Variants in RASSF6 observed in about 807,000 individuals in gnomAD.
RASSF6 encodes Ras association domain family member 6, also known as ras association domain-containing protein 6.
RASSF6 carries 52 observed loss-of-function variants against 44.0 expected under a neutral mutation model. That is an observed-to-expected ratio of 1.18 (90% CI 0.95 to 1.49). The LOEUF (loss-of-function observed/expected upper bound fraction) is 1.49, where lower values mean the gene tolerates loss of function less well. RASSF6 is among the 40% of genes most tolerant of loss of function. RASSF6 has a pLI of 0.00. For missense variants in RASSF6, 464 were observed against 393.3 expected, an observed-to-expected ratio of 1.18 and a Z score of -1.52; for synonymous variants, 162 against 124.6, an observed-to-expected ratio of 1.30 and a Z score of -2.00.
At chr4:73,585,151 T>C in intron 6 of RASSF6, 29 bp downstream of exon 6, 1 of 1,490,328 alleles carries the variant, frequency 6.7e-7, no homozygotes, top group Non-Finnish European at 9.1e-7. Flanking sequence ...TTATTTTATA[T>C]TACATTAATG....
intron 2 of RASSF6, among the ~76,000 whole-genome samples, chr4:73,611,033 C>G (rs1198163137): frequency 6.6e-6 from 1 of 152,050 alleles, no homozygotes; most frequent in African/African-American, 2.4e-5. Flanking sequence ...CTTCACTTTC[C>G]TACTGCCCAA....
In RASSF6 at chr4:73,605,769, C is replaced by G. The variant is rs185366887; in HGVS notation, c.65+5962G>C. On this transcript the variant is annotated intron_variant, in intron 2 of 10. Coordinates refer to ENST00000307439, the MANE Select transcript of RASSF6 (RefSeq NM_177532.5). Reference sequence around the variant, plus strand: ...GAGGATTTTTCCCTTTTTTCTGCAGCCTCGCCAACATATGTTATTTTTTGA... The same window carrying G: ...GAGGATTTTTCCCTTTTTTCTGCAGGCTCGCCAACATATGTTATTTTTTGA... Among the ~76,000 whole-genome samples the G allele has an allele frequency of 1.4e-4, 21 of 152,272 alleles. 1 individual carries two copies. Among genetic ancestry groups the G allele is most frequent in the African/African-American group, 5.1e-4 (21 of 41,540 alleles).
intron 2 of RASSF6, among the ~76,000 whole-genome samples, chr4:73,605,269 GT>G (rs1725546609): frequency 6.6e-6 from 1 of 152,154 alleles, no homozygotes; most frequent in South Asian, 2.1e-4. Context: ...ACTCTTGTAT[GT>G]TTTTGGAAAG....
intron 4 of RASSF6, among the ~76,000 whole-genome samples, chr4:73,591,993 G>A (rs1291315496): frequency 6.6e-6 from 1 of 151,788 alleles, no homozygotes; most frequent in Non-Finnish European, 1.5e-5. Context: ...AGTTTTCAGT[G>A]AGCCTCGTAT....
intron 1 of RASSF6, among the ~76,000 whole-genome samples, chr4:73,617,988 T>C (rs186421554): frequency 2.2e-4 from 33 of 152,276 alleles, no homozygotes; most frequent in Non-Finnish European, 4.4e-4. Context: ...ACTGTCAGCA[T>C]TGGGTTTCTA....
chr4:73,573,760 C>T lies in RASSF6; in HGVS notation c.*2475G>A, dbSNP rs752649653. ...TTTATTTTACTTTGTACTTCGGTGG[C>T]ATGTCAGTTATTATTTTACTGTCTC... On this transcript the variant is annotated 3_prime_UTR_variant, in exon 11 of 11. Coordinates refer to ENST00000307439, the MANE Select transcript of RASSF6 (RefSeq NM_177532.5). The T allele has an allele frequency of 5.3e-5, 8 of 152,160 alleles. No homozygotes were observed. Among genetic ancestry groups the T allele is most frequent in the Non-Finnish European group, 1.2e-4 (8 of 68,032 alleles). The allele number at this position is 152,160 out of a possible 1,614,324, so 9.4% of individuals were successfully genotyped here.
chr4:73,576,914 G>A (rs561075633), intron 8 of RASSF6, among the ~76,000 whole-genome samples, 183 bp from the exon 9 acceptor site: 3 of 152,198 alleles, frequency 2.0e-5, no homozygotes, highest in Non-Finnish European at 4.4e-5. Context: ...TTCTCTTACT[G>A]TATCTCAAGT....
rs1330306563 is a variant in RASSF6 at position 73,575,491 on chromosome 4, T to C, written c.*744A>G. 11 of 152,156 alleles carry C rather than the reference T, an allele frequency of 7.2e-5. No individual in the cohort carries two copies. The highest frequency in any genetic ancestry group is 3.8e-4 in the East Asian group (2 of 5,196). 9.4% of individuals were successfully genotyped at this position (152,156 alleles called of 1,614,324 possible). A position where few individuals can be genotyped will look rare whatever the true frequency, so the allele number is the denominator to read the frequency against. On this transcript the variant is annotated 3_prime_UTR_variant, in exon 11 of 11. Transcript: ENST00000307439. ...AAGTCTTACTTTAGCCGATGTAATA[T>C]GTCTATGTGATATAAACATTTTTTT...
chr4:73,599,869 C>G (rs181546327), intron 2 of RASSF6, among the ~76,000 whole-genome samples: 21 of 152,278 alleles, frequency 1.4e-4, no homozygotes, highest in Non-Finnish European at 2.6e-4. Flanking sequence ...TCTGTTACCT[C>G]TTTCATCTCA....
At chr4:73,587,532 A>G (rs1015178672) in intron 5 of RASSF6, among the ~76,000 whole-genome samples, 1 of 152,092 alleles carries the variant, frequency 6.6e-6, no homozygotes, top group Non-Finnish European at 1.5e-5. Flanking sequence ...AAGATATTTA[A>G]CAATTTTATG....
intron 4 of RASSF6, among the ~76,000 whole-genome samples, chr4:73,589,199 A>G (rs1724341428): frequency 6.6e-6 from 1 of 152,172 alleles, no homozygotes; most frequent in Non-Finnish European, 1.5e-5. Flanking sequence ...TGTACTATTC[A>G]GAATACAGCC....
At position 73,575,714 on chromosome 4, in the gene RASSF6, A is replaced by G. The variant is rs1398877437; in HGVS notation, c.*521T>C. On this transcript the variant is annotated 3_prime_UTR_variant, in exon 11 of 11. Coordinates refer to ENST00000307439, the MANE Select transcript of RASSF6 (RefSeq NM_177532.5). ...GCCAGACAGCTCTGATGTTACAGATAGTCAGAAGTCAACAGGCCATTTAAG... is the reference window on the plus strand; with the variant it reads ...GCCAGACAGCTCTGATGTTACAGATGGTCAGAAGTCAACAGGCCATTTAAG... 6.6e-6 allele frequency: 1 copy of G among 152,220 alleles called. No individual in the cohort carries two copies. Among genetic ancestry groups the G allele is most frequent in the Non-Finnish European group, 1.5e-5 (1 of 68,050 alleles). 9.4% of individuals were successfully genotyped at this position (152,220 alleles called of 1,614,324 possible).
rs1723233356 is a variant in RASSF6, at chr4:73,576,504, C to T, written c.844G>A (p.Ala282Thr). The part of the protein sequence containing the change: ...KDAEEISSDV[A>T]QYINFHFSLL... ...GAAAAGTGAAAGTTAATGTACTGAG[C>T]CACCTAAGAAAGAAGAAGAAGAAAA... The change falls in exon 10 of 11, where the codon GCT (alanine) becomes ACT (threonine). Residue 282 changes from alanine to threonine, a missense_variant. Coordinates refer to ENST00000307439, the MANE Select transcript of RASSF6 (RefSeq NM_177532.5). The T allele has an allele frequency of 1.3e-6, 2 of 1,571,268 alleles. No individual in the cohort carries two copies. Among genetic ancestry groups the T allele is most frequent in the East Asian group, 2.3e-5 (1 of 44,362 alleles).
chr4:73,614,191 CT>C (rs1464175776), intron 1 of RASSF6, among the ~76,000 whole-genome samples: 1 of 152,212 alleles, frequency 6.6e-6, no homozygotes, highest in Non-Finnish European at 1.5e-5. Flanking sequence ...AATTCGAAAG[CT>C]TTGATTTCCA....
intron 6 of RASSF6, 26 bp downstream of exon 6, chr4:73,585,153 AC>A: frequency 6.7e-7 from 1 of 1,500,472 alleles, no homozygotes; most frequent in Non-Finnish European, 9.0e-7. Context: ...ATTTTATATT[AC>A]ATTAATGGAA....
At position 73,578,695 on chromosome 4, in the gene RASSF6, G is replaced by A. The variant is rs369916852; in HGVS notation, c.722-1964C>T. ...ACGATCTCAGCTCACTGCAACCTCC[G>A]CCTCCTGAGTTCAAGCGATTCTCCT... is the stretch of plus-strand genomic sequence containing the variant. On this transcript the variant is annotated intron_variant, in intron 8 of 10. Transcript: ENST00000307439. Among the ~76,000 whole-genome samples, 14 of 146,986 alleles carry A rather than the reference G, an allele frequency of 9.5e-5. No homozygotes were observed. The South Asian group carries it at 2.4e-3, about 25-fold the overall frequency.
intron 7 of RASSF6, 92 bp from the exon 8 acceptor site, chr4:73,581,960 C>G (rs1723686265): frequency 1.0e-6 from 1 of 962,672 alleles, no homozygotes; most frequent in African/African-American, 1.7e-5. Context: ...TGTTTTCTCT[C>G]TTCCATTTTT....
At chr4:73,607,903 C>G in intron 2 of RASSF6, among the ~76,000 whole-genome samples, 1 of 125,812 alleles carries the variant, frequency 7.9e-6, no homozygotes, top group East Asian at 2.5e-4. Context: ...CTCCCCTCCC[C>G]TCCTCTCTAC....
chr4:73,602,830 T>C (rs1348398279), intron 2 of RASSF6, among the ~76,000 whole-genome samples: 1 of 152,188 alleles, frequency 6.6e-6, no homozygotes, highest in African/African-American at 2.4e-5. Context: ...GGCTCATGCC[T>C]GTAATCCCAG....
Sources: gnomAD v4.1 joint callset for allele counts (sites outside exome capture counted in the v4.1 genomes callset) on GRCh38, gnomAD v4.1.1 for gene constraint, MANE v1.5 for transcripts, NCBI Gene and HGNC (gene_info 2026-07-23, HGNC 2026-07-21) for gene names.